The following FHOD3 variants were observed in gnomAD, a reference collection of about 807,000 sequenced individuals.
FHOD3 encodes the protein FH1/FH2 domain-containing protein 3.
A neutral mutation model predicts 173.0 loss-of-function variants in FHOD3; 90 were observed. The ratio of observed to expected loss-of-function variants is 0.52; its 90% CI spans 0.44 to 0.62. FHOD3 has a LOEUF of 0.62. FHOD3 is among the 20% of genes least tolerant of loss of function. The pLI is 0.00. For missense variants in FHOD3, 1,945 were observed against 2,034.7 expected (o/e 0.96, Z 0.85); for synonymous variants, 828 against 823.0 (o/e 1.01, Z -0.10).
intron 16 of FHOD3, chr18:36,692,983 G>C: frequency 1.7e-6 from 1 of 581,100 alleles, no homozygotes. Flanking sequence ...ACTGTGTGAT[G>C]CTGCCATTTC....
At position 36,744,040 on chromosome 18, in the gene FHOD3, G is replaced by A. The variant is rs1261017148; in HGVS notation, c.3888G>A (p.Ala1296=). 7.4e-6 allele frequency: 12 copies of A among 1,614,066 alleles called. No homozygotes were observed. Among genetic ancestry groups the A allele is most frequent in the South Asian group, 5.5e-5 (5 of 91,070 alleles). ...GNFLNGTNAK[A]FELSYLEKVP... ...TGATGTTTGCAAAACAGGCCAAAGC[G>A]TTTGAGTTAAGCTACCTCGAGAAGG... The change falls in exon 23 of 29, where the codon GCG becomes GCA. Residue 1296 remains alanine (A), a synonymous_variant. Coordinates refer to ENST00000590592, the MANE Select transcript of FHOD3 (RefSeq NM_001281740.3).
At chr18:36,299,189 A>G (rs2091892211) in intron 1 of FHOD3, among the ~76,000 whole-genome samples, 1 of 152,108 alleles carries the variant, frequency 6.6e-6, no homozygotes, top group Non-Finnish European at 1.5e-5. Context: ...TTCCTCCTCT[A>G]CTTAGTTAGT....
chr18:36,597,358 AAAT>A (rs1168460046), intron 7 of FHOD3, among the ~76,000 whole-genome samples: 6 of 152,022 alleles, frequency 3.9e-5, no homozygotes, highest in African/African-American at 4.8e-5. Context: ...TGATTAGTAA[AAAT>A]AATAATAATA....
At chr18:36,378,025 C>T (rs777295289) in intron 3 of FHOD3, among the ~76,000 whole-genome samples, 13 of 152,208 alleles carry the variant, frequency 8.5e-5, no homozygotes, top group Non-Finnish European at 1.6e-4. Context: ...AGTGTCCTTG[C>T]TGTGCTCCTC....
intron 21 of FHOD3, 49 bp from the exon 22 acceptor site, chr18:36,742,688 A>G: frequency 1.3e-6 from 2 of 1,582,712 alleles, no homozygotes; most frequent in South Asian, 1.2e-5. Context: ...AGAACAAAGT[A>G]AACCCAAATT....
chr18:36,428,424 T>A (rs1202046727), intron 3 of FHOD3, among the ~76,000 whole-genome samples: 1 of 152,208 alleles, frequency 6.6e-6, no homozygotes, highest in Non-Finnish European at 1.5e-5. Flanking sequence ...GAATGAAGGC[T>A]CATGCTCTCT....
At chr18:36,398,051 GTTC>G (rs150971832) in intron 3 of FHOD3, among the ~76,000 whole-genome samples, 6,603 of 152,242 alleles carry the variant, frequency 0.043, 471 homozygotes, top group African/African-American at 0.15. Flanking sequence ...AAACACTGGG[GTTC>G]TTCTAGTAAG....
At chr18:36,642,887 T>C (rs1407621549) in intron 10 of FHOD3, among the ~76,000 whole-genome samples, 5 of 151,078 alleles carry the variant, frequency 3.3e-5, no homozygotes, top group Non-Finnish European at 5.9e-5. Flanking sequence ...TGGGGGTTTT[T>C]TTCAGTATTT....
intron 3 of FHOD3, among the ~76,000 whole-genome samples, chr18:36,373,463 T>A (rs1266888252): frequency 1.3e-5 from 2 of 152,148 alleles, no homozygotes; most frequent in African/African-American, 4.8e-5. Context: ...TATTCATGGG[T>A]GGAGTGAAGG....
intron 5 of FHOD3, among the ~76,000 whole-genome samples, chr18:36,514,215 T>C (rs2055831759): frequency 6.6e-6 from 1 of 152,052 alleles, no homozygotes; most frequent in South Asian, 2.1e-4. Context: ...TTCACCTTGT[T>C]AGCCAGGATG....
At chr18:36,716,098 T>A (rs2040434018) in intron 18 of FHOD3, among the ~76,000 whole-genome samples, 2 of 152,242 alleles carry the variant, frequency 1.3e-5, no homozygotes, top group Admixed American at 6.5e-5. Context: ...CAGTGAACGT[T>A]GGTGCTGTTA....
chr18:36,382,421 G>A (rs2047836950), intron 3 of FHOD3, among the ~76,000 whole-genome samples: 1 of 152,206 alleles, frequency 6.6e-6, no homozygotes, highest in Admixed American at 6.5e-5. Context: ...ACCGGATACA[G>A]GGAGAAGGCT....
intron 3 of FHOD3, among the ~76,000 whole-genome samples, chr18:36,438,639 C>T (rs2050947886): frequency 2.0e-5 from 3 of 152,220 alleles, no homozygotes; most frequent in African/African-American, 7.2e-5. Context: ...GAGGCCTGGC[C>T]ATCTCCCTTC....
intron 19 of FHOD3, 77 bp downstream of exon 19, chr18:36,718,792 T>G (rs2040602953): frequency 6.6e-7 from 1 of 1,519,570 alleles, no homozygotes; most frequent in Non-Finnish European, 8.8e-7. Context: ...TAAAATACTA[T>G]TTTGCATTGC....
chr18:36,345,703 G>C (rs1598785272), intron 1 of FHOD3, among the ~76,000 whole-genome samples: 1 of 152,146 alleles, frequency 6.6e-6, no homozygotes, highest in African/African-American at 2.4e-5. Context: ...TAAGATTTTA[G>C]AGGTTAGGAA....
intron 9 of FHOD3, among the ~76,000 whole-genome samples, chr18:36,624,551 CA>C (rs1184967981): frequency 1.3e-5 from 2 of 152,022 alleles, no homozygotes; most frequent in Non-Finnish European, 2.9e-5. Context: ...GAGAGTTACT[CA>C]GAAGGACAGT....
chr18:36,748,153 G>A (rs77282826), intron 24 of FHOD3, among the ~76,000 whole-genome samples: 4,992 of 152,026 alleles, frequency 0.033, 111 homozygotes, highest in Middle Eastern at 0.088. Flanking sequence ...ACAACTATCC[G>A]TCAGTCAGTT....
chr18:36,685,555 C>A (rs939285998), intron 15 of FHOD3, among the ~76,000 whole-genome samples: 1 of 152,092 alleles, frequency 6.6e-6, no homozygotes, highest in African/African-American at 2.4e-5. Context: ...CTTAAGCTTT[C>A]TGAGTTATAG....
At chr18:36,570,511 A>C (rs1023870065) in intron 5 of FHOD3, among the ~76,000 whole-genome samples, 10 of 152,250 alleles carry the variant, frequency 6.6e-5, no homozygotes, top group African/African-American at 2.4e-4. Context: ...CTTCCAGAAA[A>C]CAGAAGAGGA....
Sources: gnomAD v4.1 joint callset for allele counts (sites outside exome capture counted in the v4.1 genomes callset) on GRCh38, gnomAD v4.1.1 for gene constraint, MANE v1.5 for transcripts, NCBI Gene and HGNC (gene_info 2026-07-23, HGNC 2026-07-21) for gene names.